HMCN2: variants seen among roughly 807,000 people sequenced by gnomAD.
HMCN2 encodes the protein hemicentin 2.
HMCN2 carries 325 observed loss-of-function variants against 377.5 expected under a neutral mutation model. That is an observed-to-expected ratio of 0.86 (90% CI 0.79 to 0.94). The LOEUF is 0.94. Among genes scored for constraint, HMCN2 ranks in the 40% least tolerant of loss-of-function variants. The probability of loss-of-function intolerance (pLI) is 0.00; values close to 1 mark genes in which losing one functional copy is unlikely to be tolerated. For synonymous variants in HMCN2, 2,007 were observed against 2,046.8 expected, an observed-to-expected ratio of 0.98 and a Z score of 0.53; for missense variants, 4,543 against 4,725.3, an observed-to-expected ratio of 0.96 and a Z score of 1.13.
intron 59 of HMCN2, among the ~76,000 whole-genome samples, 164 bp from the exon 60 acceptor site, chr9:130,385,396 G>A (rs567599643): frequency 8.0e-4 from 122 of 152,078 alleles, no homozygotes; most frequent in Non-Finnish European, 1.0e-3. Flanking sequence ...TCCTTGGCGT[G>A]CTGGCCTGGT....
rs781159140 is a variant in HMCN2, at chr9:130,357,949, G to T, written c.5541G>T (p.Lys1847Asn). The T allele has an allele frequency of 1.4e-5, 18 of 1,304,222 alleles. No homozygotes were observed. The highest frequency in any genetic ancestry group is 1.8e-5 in the Non-Finnish European group (18 of 988,920). 80.8% of individuals were successfully genotyped at this position (1,304,222 alleles called of 1,614,324 possible). Residue 1847 changes from lysine to asparagine, a missense_variant, in exon 35 of 98, where the codon AAG becomes AAT. Around this residue, in one of 5 missense-constraint regions of HMCN2, gnomAD observed 1,032 missense variants for 1,285.1 expected, o/e 0.80. Transcript: ENST00000683500. ...CCACCCCAAGCCTCCGTTGGTGGAAGGATGGTGTAGCCCTGGCAGCCTTTG... is the reference window on the plus strand; with the variant it reads ...CCACCCCAAGCCTCCGTTGGTGGAATGATGGTGTAGCCCTGGCAGCCTTTG... Reference protein sequence around the residue: ...GVPTPSLRWWKDGVALAAFGG... With the variant: ...GVPTPSLRWWNDGVALAAFGG...
chr9:130,307,858 C>T (rs999180579), intron 14 of HMCN2, among the ~76,000 whole-genome samples: 1 of 152,162 alleles, frequency 6.6e-6, no homozygotes, highest in African/African-American at 2.4e-5. Flanking sequence ...CTCTGAGCCT[C>T]AGTTTCCTTA....
chr9:130,405,797 C>T (rs527749266), intron 81 of HMCN2, among the ~76,000 whole-genome samples, 158 bp from the exon 82 acceptor site: 10 of 152,070 alleles, frequency 6.6e-5, no homozygotes, highest in South Asian at 2.1e-4. Flanking sequence ...GGCAGGGGCA[C>T]GGTGGTGATG....
intron 4 of HMCN2, among the ~76,000 whole-genome samples, chr9:130,290,994 G>A (rs1452370085): frequency 6.6e-6 from 1 of 152,016 alleles, no homozygotes; most frequent in African/African-American, 2.4e-5. Flanking sequence ...TGACCAATAA[G>A]TAGCATGCAA....
intron 25 of HMCN2, among the ~76,000 whole-genome samples, chr9:130,345,233 GTGTA>G (rs1839315768): frequency 6.7e-6 from 1 of 149,050 alleles, no homozygotes; most frequent in African/African-American, 2.5e-5. Context: ...GGTGTGTAGT[GTGTA>G]TGTTGTGTGT....
intron 13 of HMCN2, 74 bp from the exon 14 acceptor site, chr9:130,307,379 C>G: frequency 2.1e-6 from 1 of 465,586 alleles, no homozygotes; most frequent in Non-Finnish European, 4.5e-6. Flanking sequence ...GGAGAGGGCT[C>G]CCTGAAGCCG....
intron 1 of HMCN2, among the ~76,000 whole-genome samples, chr9:130,266,563 C>T (rs1554919110): frequency 6.6e-6 from 1 of 152,262 alleles, no homozygotes; most frequent in African/African-American, 2.4e-5. Flanking sequence ...TTAGAATTCG[C>T]TCCCAGCGGA....
intron 14 of HMCN2, among the ~76,000 whole-genome samples, chr9:130,309,172 G>A (rs1272842131): frequency 2.6e-5 from 4 of 152,216 alleles, no homozygotes; most frequent in Non-Finnish European, 4.4e-5. Flanking sequence ...GTTAGAATCA[G>A]GTGTGTCCAT....
chr9:130,405,907 A>G, intron 81 of HMCN2, 48 bp from the exon 82 acceptor site: 1 of 1,239,414 alleles, frequency 8.1e-7, no homozygotes, highest in Non-Finnish European at 1.0e-6. Context: ...ATCCTGACCT[A>G]TGCCGAGGTG....
intron 77 of HMCN2, among the ~76,000 whole-genome samples, chr9:130,401,445 T>C (rs7024301): frequency 0.031 from 4,654 of 152,256 alleles, 234 homozygotes; most frequent in African/African-American, 0.1. Flanking sequence ...TGGCTCAGCT[T>C]CCCAGGTAGC....
intron 23 of HMCN2, among the ~76,000 whole-genome samples, chr9:130,340,347 G>A (rs1004610746): frequency 6.6e-6 from 1 of 152,230 alleles, no homozygotes; most frequent in Non-Finnish European, 1.5e-5. Context: ...GTTGTGATGA[G>A]GGGGAACTGA....
At chr9:130,406,554 C>A (rs990577019) in intron 82 of HMCN2, 2 of 236,762 alleles carry the variant, frequency 8.4e-6, no homozygotes, top group Admixed American at 1.0e-4. Flanking sequence ...AGACACAGGG[C>A]CTGTGGAGTA....
chr9:130,363,495 T>C (rs1285789863), intron 40 of HMCN2, among the ~76,000 whole-genome samples: 1 of 152,104 alleles, frequency 6.6e-6, no homozygotes, highest in Non-Finnish European at 1.5e-5. Flanking sequence ...TGTCCTCCTC[T>C]GGGTTTTTCT....
intron 77 of HMCN2, 128 bp downstream of exon 77, chr9:130,401,075 T>C (rs1842839650): frequency 1.2e-6 from 1 of 830,362 alleles, no homozygotes. Context: ...CCTGGCTGTG[T>C]GACCTGGGAG....
chr9:130,399,675 C>G, intron 76 of HMCN2, 43 bp downstream of exon 76: 1 of 1,245,274 alleles, frequency 8.0e-7, no homozygotes, highest in Non-Finnish European at 1.0e-6. Flanking sequence ...GGGGTGGGGG[C>G]AGCGCCTTCC....
intron 43 of HMCN2, among the ~76,000 whole-genome samples, chr9:130,366,948 G>A (rs1259821173): frequency 1.3e-5 from 2 of 152,124 alleles, no homozygotes; most frequent in Non-Finnish European, 2.9e-5. Context: ...AAGATGTTCT[G>A]GGGGGTTGTA....
intron 1 of HMCN2, among the ~76,000 whole-genome samples, chr9:130,279,500 G>A (rs1834993316): frequency 6.6e-6 from 1 of 152,004 alleles, no homozygotes; most frequent in South Asian, 2.1e-4. Flanking sequence ...TTACAAGCAT[G>A]TGCCACCACG....
chr9:130,429,080 C>A (rs78720011), intron 93 of HMCN2: 5,574 of 183,302 alleles, frequency 0.03, 146 homozygotes, highest in African/African-American at 0.069. Flanking sequence ...ACCTCTGTGG[C>A]CCCCAGGGCC....
intron 8 of HMCN2, among the ~76,000 whole-genome samples, chr9:130,302,586 G>C (rs1554934851): frequency 6.6e-6 from 1 of 152,088 alleles, no homozygotes; most frequent in East Asian, 1.9e-4. Flanking sequence ...CTGTGCCTAG[G>C]GGAGCTGGTG....
Sources: gnomAD v4.1 joint callset for allele counts (sites outside exome capture counted in the v4.1 genomes callset) on GRCh38, gnomAD v4.1.1 for gene constraint, gnomAD v4.1.1 regional missense constraint, MANE v1.5 for transcripts, NCBI Gene and HGNC (gene_info 2026-07-23, HGNC 2026-07-21) for gene names.